ING5: variants seen among roughly 807,000 people sequenced by gnomAD.
The protein encoded by ING5 is inhibitor of growth family member 5, also known as inhibitor of growth protein 5.
Under a neutral mutation model 37.4 loss-of-function variants are expected in ING5, and 17 were observed. That is an observed-to-expected ratio of 0.45 (90% CI 0.31 to 0.68). The LOEUF is 0.68. ING5 is among the 30% of genes least tolerant of loss of function. The pLI, the probability that ING5 is intolerant of heterozygous loss-of-function variation, is 0.05. For missense variants in ING5, 233 were observed against 311.9 expected (o/e 0.75, Z 1.91); for synonymous variants, 123 against 116.6 (o/e 1.06, Z -0.36).
chr2:241,715,075 C>T (rs754746979), intron 5 of ING5, among the ~76,000 whole-genome samples: 5 of 152,048 alleles, frequency 3.3e-5, no homozygotes, highest in African/African-American at 4.8e-5. Context: ...ATTTTTATAT[C>T]TTCCTTGTTC....
intron 2 of ING5, among the ~76,000 whole-genome samples, chr2:241,708,214 T>G (rs908030449): frequency 7.4e-5 from 10 of 134,448 alleles, no homozygotes; most frequent in South Asian, 2.4e-4. Context: ...TTTTCTTTTG[T>G]TTTTTTTTTT....
chr2:241,704,050 C>T (rs2069825383), intron 1 of ING5, among the ~76,000 whole-genome samples: 2 of 152,308 alleles, frequency 1.3e-5, no homozygotes, highest in Admixed American at 1.3e-4. Context: ...ATGCTGCTCA[C>T]TGAGGGGGGG....
At chr2:241,689,199 A>G (rs1010462579) in intron 1 of ING5, among the ~76,000 whole-genome samples, 1 of 151,578 alleles carries the variant, frequency 6.6e-6, no homozygotes, top group Non-Finnish European at 1.5e-5. Flanking sequence ...TGCAACCTCC[A>G]CTTCCCGGGT....
At chr2:241,722,468 C>T (rs2070456247) in intron 5 of ING5, 1 of 985,222 alleles carries the variant, frequency 1.0e-6, no homozygotes, top group African/African-American at 1.7e-5. Flanking sequence ...CATGCCCCTG[C>T]CTGGGCCCGA....
intron 5 of ING5, among the ~76,000 whole-genome samples, chr2:241,714,006 T>A (rs1324002949): frequency 1.9e-4 from 28 of 145,682 alleles, no homozygotes; most frequent in African/African-American, 5.4e-4. Context: ...AAAAAAAAAA[T>A]CCCAACATTC....
rs187806934 is a variant in ING5, at chr2:241,707,480, C to T, written c.110-1736C>T. Among the ~76,000 whole-genome samples, 681 of 151,412 alleles carry T rather than the reference C, an allele frequency of 4.5e-3. 10 individuals are homozygous for T. Among genetic ancestry groups the T allele is most frequent in the African/African-American group, 0.016 (659 of 41,262 alleles). On this transcript the variant is annotated intron_variant, in intron 2 of 7. Coordinates refer to ENST00000313552, the MANE Select transcript of ING5 (RefSeq NM_032329.6). ...TAATTTTTTGTATTTTAAGTAGAGA[C>T]GGGGTTTCTCCATGTTGGTCAGGCT...
Position 241,725,346 on chromosome 2 carries a change from TG to T in ING5, c.*317del. ...CCGGCCGGGCGTGCGGGCGGGGACA[TG>T]GTAACCTGGTCCACGGAGGGCGGCC... is the stretch of plus-strand genomic sequence containing the variant. On this transcript the variant is annotated 3_prime_UTR_variant, in exon 8 of 8. Coordinates refer to ENST00000313552, the MANE Select transcript of ING5 (RefSeq NM_032329.6). The T allele has an allele frequency of 2.6e-6, 1 of 377,418 alleles. No individual in the cohort carries two copies. The highest frequency in any genetic ancestry group is 4.9e-6 in the Non-Finnish European group (1 of 202,552). The allele number at this position is 377,418 out of a possible 1,614,324, so 23.4% of individuals were successfully genotyped here. A position where few individuals can be genotyped will look rare whatever the true frequency, so the allele number is the denominator to read the frequency against.
intron 5 of ING5, chr2:241,722,400 C>T: frequency 3.0e-6 from 3 of 985,360 alleles, no homozygotes; most frequent in Non-Finnish European, 3.6e-6. Context: ...GGGACCAGAA[C>T]CCCGGTGCTG....
intron 5 of ING5, chr2:241,719,593 C>A: frequency 6.5e-7 from 1 of 1,536,090 alleles, no homozygotes; most frequent in Non-Finnish European, 8.7e-7. Flanking sequence ...CTCTTCCTCA[C>A]CCAGTGCTGT....
At chr2:241,708,294 G>A (rs931598932) in intron 2 of ING5, among the ~76,000 whole-genome samples, 8 of 150,964 alleles carry the variant, frequency 5.3e-5, no homozygotes, top group East Asian at 3.9e-4. Flanking sequence ...TTCAAGCCCC[G>A]CCTCCTGGGT....
intron 2 of ING5, among the ~76,000 whole-genome samples, chr2:241,708,701 T>A (rs766484381): frequency 3.3e-5 from 5 of 152,218 alleles, no homozygotes; most frequent in Non-Finnish European, 5.9e-5. Context: ...CTCTGTTGTC[T>A]GAAGGGACCA....
At chr2:241,715,346 C>T (rs2070233203) in intron 5 of ING5, among the ~76,000 whole-genome samples, 1 of 151,984 alleles carries the variant, frequency 6.6e-6, no homozygotes, top group Admixed American at 6.6e-5. Context: ...AAGTGCATGC[C>T]ACCATGCCTG....
chr2:241,705,676 G>A (rs546781837), intron 2 of ING5, among the ~76,000 whole-genome samples: 1 of 152,290 alleles, frequency 6.6e-6, no homozygotes, highest in South Asian at 2.1e-4. Flanking sequence ...AAAGTGCTGG[G>A]ATTACAGGCA....
At chr2:241,703,369 C>A (rs1056483507) in intron 1 of ING5, among the ~76,000 whole-genome samples, 4 of 152,106 alleles carry the variant, frequency 2.6e-5, no homozygotes, top group Admixed American at 2.0e-4. Context: ...AGGCAGCCCC[C>A]CTTAGGAGCC....
At chr2:241,716,533 G>C (rs1398262598) in intron 5 of ING5, among the ~76,000 whole-genome samples, 2 of 151,638 alleles carry the variant, frequency 1.3e-5, no homozygotes, top group Non-Finnish European at 2.9e-5. Context: ...GACCCCAAGT[G>C]ATCCACCCAC....
chr2:241,720,775 G>T, intron 5 of ING5: 1 of 985,568 alleles, frequency 1.0e-6, no homozygotes, highest in Non-Finnish European at 1.2e-6. Context: ...GCCGCTGACA[G>T]TTGGGGTCAC....
chr2:241,699,579 CT>C (rs534835042), upstream of ING5, among the ~76,000 whole-genome samples: 1,083 of 151,980 alleles, frequency 7.1e-3, 18 homozygotes, highest in African/African-American at 0.025. Context: ...GGCTTAATAT[CT>C]TTAAAAATGC....
At chr2:241,723,785 C>A (rs1270168603) in intron 7 of ING5, 1 of 1,598,144 alleles carries the variant, frequency 6.3e-7, no homozygotes, top group Non-Finnish European at 8.5e-7. Flanking sequence ...CATTGTTGTT[C>A]CTCAGATTTC....
intron 5 of ING5, chr2:241,721,881 T>G: frequency 2.0e-6 from 2 of 985,566 alleles, no homozygotes; most frequent in Non-Finnish European, 2.4e-6. Flanking sequence ...GTGCTACAGG[T>G]GGCAGGCTTG....
Sources: allele counts gnomAD v4.1 joint callset (sites outside exome capture counted in the v4.1 genomes callset), GRCh38; gene constraint gnomAD v4.1.1; transcripts MANE v1.5; gene names NCBI Gene and HGNC (gene_info 2026-07-23, HGNC 2026-07-21).